Variants in KCNV2 observed in about 807,000 individuals in gnomAD.
KCNV2 encodes potassium voltage-gated channel modifier subfamily V member 2, also known as potassium voltage-gated channel subfamily V member 2.
Under a neutral mutation model 37.0 loss-of-function variants are expected in KCNV2, and 65 were observed. That is an observed-to-expected ratio of 1.76 (90% CI 1.44 to 2.16). The LOEUF (loss-of-function observed/expected upper bound fraction) is 2.16, where lower values mean the gene tolerates loss of function less well. Among genes scored for constraint, KCNV2 ranks in the 30% most tolerant of loss-of-function variants. The probability of loss-of-function intolerance (pLI) is 0.00; values close to 1 mark genes in which losing one functional copy is unlikely to be tolerated. For synonymous variants in KCNV2, 518 were observed against 328.6 expected, an observed-to-expected ratio of 1.58 and a Z score of -6.23; for missense variants, 1,232 against 766.7, an observed-to-expected ratio of 1.61 and a Z score of -7.17.
chr9:2,725,216 C>A (rs1819949009), intron 1 of KCNV2, among the ~76,000 whole-genome samples: 1 of 152,182 alleles, frequency 6.6e-6, no homozygotes, highest in Admixed American at 6.5e-5. Context: ...TAGCTGTGCA[C>A]ACCTACCGCT....
At chr9:2,727,380 A>G (rs1477668945) in intron 1 of KCNV2, among the ~76,000 whole-genome samples, 1 of 152,136 alleles carries the variant, frequency 6.6e-6, no homozygotes, top group Non-Finnish European at 1.5e-5. Context: ...ACATGTATAC[A>G]TATGTAACTA....
At chr9:2,719,959 G>A (rs772515657) in intron 1 of KCNV2, among the ~76,000 whole-genome samples, 1 of 152,242 alleles carries the variant, frequency 6.6e-6, no homozygotes, top group Non-Finnish European at 1.5e-5. Context: ...ATTTTGAGCT[G>A]TGGTAGCTGA....
intron 1 of KCNV2, among the ~76,000 whole-genome samples, chr9:2,722,590 GTTA>G (rs1006406000): frequency 2.1e-5 from 3 of 143,792 alleles, no homozygotes. Context: ...TAAATTAGAA[GTTA>G]TTTATTTATA....
chr9:2,724,445 G>T (rs1247439230), intron 1 of KCNV2, among the ~76,000 whole-genome samples: 1 of 152,162 alleles, frequency 6.6e-6, no homozygotes, highest in Non-Finnish European at 1.5e-5. Context: ...GTTGTTAGAA[G>T]ACTAGAAGAA....
In KCNV2 at chr9:2,718,404, C is replaced by T. The variant is rs745988476; in HGVS notation, c.665C>T (p.Ala222Val). ...CTCAAGATCCAGCACGAGCTGCGCG[C>T]GCAGGCGCAGGTCGAGGAGGCGGAG... is the stretch of plus-strand genomic sequence containing the variant. ...ERLKIQHELR[A>V]QAQVEEAEEL... Residue 222 changes from alanine to valine, a missense_variant, in exon 1 of 2, where the codon GCG becomes GTG. Transcript: ENST00000382082. The T allele has an allele frequency of 2.5e-6, 4 of 1,602,262 alleles. No individual in the cohort carries two copies. In the Admixed American group the frequency reaches 5.2e-5, roughly 21 times the overall value.
intron 1 of KCNV2, among the ~76,000 whole-genome samples, chr9:2,726,059 C>T (rs138455122): frequency 1.4e-3 from 209 of 152,242 alleles, no homozygotes; most frequent in African/African-American, 4.3e-3. Context: ...AGATGGATTG[C>T]GGAAATTTTG....
At chr9:2,719,670 G>C (rs568823419) in intron 1 of KCNV2, among the ~76,000 whole-genome samples, 72 of 152,296 alleles carry the variant, frequency 4.7e-4, no homozygotes, top group African/African-American at 1.7e-3. Flanking sequence ...AGTTCTTTCA[G>C]GACCCTGTAT....
chr9:2,723,324 A>C (rs1410578452), intron 1 of KCNV2, among the ~76,000 whole-genome samples: 1 of 152,198 alleles, frequency 6.6e-6, no homozygotes, highest in African/African-American at 2.4e-5. Context: ...TAATACTTTC[A>C]GACAACACCA....
In KCNV2 at chr9:2,717,793, G is replaced by A; in HGVS notation, c.54G>A (p.Thr18=). Residue 18 remains threonine, a synonymous_variant, in exon 1 of 2, where the codon ACG becomes ACA. Coordinates refer to ENST00000382082, the MANE Select transcript of KCNV2 (RefSeq NM_133497.4). The part of the protein sequence containing the change: ...RRSWSYRPWN[T]TENEGSQHRR... ...CCTGGAGCTACAGGCCCTGGAACAC[G>A]ACGGAGAATGAGGGCAGCCAACACC... The A allele has an allele frequency of 3.1e-6, 5 of 1,614,224 alleles. No homozygotes were observed. The highest frequency in any genetic ancestry group is 1.1e-5 in the South Asian group (1 of 91,078).
At position 2,718,181 on chromosome 9, in the gene KCNV2, G is replaced by T. The variant is rs140256288; in HGVS notation, c.442G>T (p.Glu148Ter). The T allele has an allele frequency of 2.5e-5, 41 of 1,613,190 alleles. No individual in the cohort carries two copies. Among genetic ancestry groups the T allele is most frequent in the Non-Finnish European group, 3.3e-5 (39 of 1,179,782 alleles). ...CGACGACTACGAGGAGCAGACAGAC[G>T]AATACTTCTTCGACCGCGACCCGGC... is the stretch of plus-strand genomic sequence containing the variant. Reference protein sequence around the residue: ...LCDDYEEQTDEYFFDRDPAVF... With the variant: ...LCDDYEEQTD The change falls in exon 1 of 2, where the codon GAA (glutamate) becomes TAA (stop). Residue 148 changes from glutamate (E) to a stop codon, truncating the protein, a stop_gained. Coordinates refer to ENST00000382082, the MANE Select transcript of KCNV2 (RefSeq NM_133497.4). LOFTEE classifies it high-confidence loss of function.
rs1819752311 is a variant in KCNV2 at position 2,717,604 on chromosome 9, C to T, written c.-136C>T. 1.8e-6 allele frequency: 2 copies of T among 1,122,640 alleles called. No homozygotes were observed. Among genetic ancestry groups the T allele is most frequent in the East Asian group, 5.0e-5 (2 of 40,126 alleles). The allele number at this position is 1,122,640 out of a possible 1,614,324, so 69.5% of individuals were successfully genotyped here. ...GCAGCTCCGGTGGCAATGTCTGAGC[C>T]CCTAGCTGTGCTGGTCCGGGCTGGC... On this transcript the variant is annotated 5_prime_UTR_variant, in exon 1 of 2. Coordinates refer to ENST00000382082, the MANE Select transcript of KCNV2 (RefSeq NM_133497.4).
chr9:2,719,854 C>A (rs1414823478), intron 1 of KCNV2, among the ~76,000 whole-genome samples: 1 of 152,220 alleles, frequency 6.6e-6, no homozygotes, highest in Non-Finnish European at 1.5e-5. Context: ...GCATGCATTG[C>A]TGAATTTGTA....
At chr9:2,722,992 T>C (rs1346116403) in intron 1 of KCNV2, among the ~76,000 whole-genome samples, 1 of 152,174 alleles carries the variant, frequency 6.6e-6, no homozygotes, top group African/African-American at 2.4e-5. Context: ...GTAAGTCACA[T>C]GGCCAAGCTG....
intron 1 of KCNV2, among the ~76,000 whole-genome samples, chr9:2,723,170 A>G (rs1819910644): frequency 1.3e-5 from 2 of 152,228 alleles, no homozygotes; most frequent in African/African-American, 4.8e-5. Context: ...ATCAGAAAGT[A>G]TACACTCACA....
At chr9:2,720,729 G>A (rs7875791) in intron 1 of KCNV2, among the ~76,000 whole-genome samples, 1 of 152,142 alleles carries the variant, frequency 6.6e-6, no homozygotes, top group African/African-American at 2.4e-5. Flanking sequence ...AGGCACTGGA[G>A]CTAGTACACT....
Position 2,717,972 on chromosome 9 carries a change from C to A in KCNV2, c.233C>A (p.Ala78Glu), listed in dbSNP as rs779672220. 1 of 1,614,126 alleles carries A rather than the reference C, an allele frequency of 6.2e-7. No homozygotes were observed. Among genetic ancestry groups the A allele is most frequent in the Non-Finnish European group, 8.5e-7 (1 of 1,180,012 alleles). Residue 78 changes from alanine to glutamate, a missense_variant, in exon 1 of 2, where the codon GCA becomes GAA. Transcript: ENST00000382082. ...KDDLAEEDQQ[A>E]GEVTTAKPEG... ...GACCTGGCAGAAGAGGACCAGCAGG[C>A]AGGGGAGGTCACCACCGCCAAGCCC...
Position 2,718,880 on chromosome 9 carries a change from CTCATGCGCA to C in KCNV2, c.1144_1152del (p.Met382_Ile384del). 6.2e-7 allele frequency: 1 copy of C among 1,608,918 alleles called. No individual in the cohort carries two copies. Among genetic ancestry groups the C allele is most frequent in the Non-Finnish European group, 8.5e-7 (1 of 1,179,936 alleles). ...GGGTCAGGTGTTGCGCGTCATGCGC[CTCATGCGCA>C]TCTTCCGCATCCTCAAGCTGGCGCG... On this transcript the variant is annotated inframe_deletion, in exon 1 of 2. Transcript: ENST00000382082.
chr9:2,729,156 CA>C lies in KCNV2; in HGVS notation c.1357-289del, dbSNP rs1563800604. On this transcript the variant is annotated intron_variant, in intron 1 of 1. Transcript: ENST00000382082. ...TATTTTAAATGCTCTTTACAGCAAC[CA>C]TTTCAAGTAGGTATTACCTCCTCCT... is the stretch of plus-strand genomic sequence containing the variant. Among the ~76,000 whole-genome samples the C allele has an allele frequency of 3.3e-5, 5 of 152,284 alleles. No homozygotes were observed. In the South Asian group the frequency reaches 1.0e-3, roughly 32 times the overall value.
intron 1 of KCNV2, among the ~76,000 whole-genome samples, chr9:2,722,892 T>C (rs1376167933): frequency 6.6e-6 from 1 of 150,614 alleles, no homozygotes; most frequent in Non-Finnish European, 1.5e-5. Context: ...TCGATGGCTG[T>C]GGCAAAGAAC....
Sources: allele counts gnomAD v4.1 joint callset (sites outside exome capture counted in the v4.1 genomes callset), GRCh38; gene constraint gnomAD v4.1.1; transcripts MANE v1.5; gene names NCBI Gene and HGNC (gene_info 2026-07-23, HGNC 2026-07-21).